The following RERE variants were observed in gnomAD, a reference collection of about 807,000 sequenced individuals.
RERE encodes the protein arginine-glutamic acid dipeptide repeats, also known as arginine-glutamic acid dipeptide repeats protein.
A neutral mutation model predicts 146.1 loss-of-function variants in RERE; 40 were observed. The ratio of observed to expected loss-of-function variants is 0.27; its 90% CI spans 0.21 to 0.36. The LOEUF is 0.36. Among genes scored for constraint, RERE ranks in the 10% least tolerant of loss-of-function variants. RERE has a pLI of 1.00. For missense variants in RERE, 1,933 were observed against 2,138.7 expected (o/e 0.90, Z 1.90); for synonymous variants, 1,003 against 866.0 (o/e 1.16, Z -2.78).
At chr1:8,516,648 A>C (rs1645424067) in intron 7 of RERE, among the ~76,000 whole-genome samples, 1 of 152,152 alleles carries the variant, frequency 6.6e-6, no homozygotes, top group South Asian at 2.1e-4. Context: ...GCTGACTCCA[A>C]AGTCAGAGCT....
At chr1:8,796,921 A>C (rs1364559007) in intron 1 of RERE, among the ~76,000 whole-genome samples, 1 of 152,176 alleles carries the variant, frequency 6.6e-6, no homozygotes, top group African/African-American at 2.4e-5. Context: ...TCCGTTGACA[A>C]CTTCTCCCAA....
chr1:8,479,365 T>C (rs1231250086), intron 10 of RERE, among the ~76,000 whole-genome samples: 2 of 151,990 alleles, frequency 1.3e-5, no homozygotes, highest in Admixed American at 6.6e-5. Context: ...TATATAATAG[T>C]CATTTTAACT....
chr1:8,393,818 A>T (rs1202199454), intron 12 of RERE, among the ~76,000 whole-genome samples: 8 of 152,224 alleles, frequency 5.3e-5, no homozygotes, highest in African/African-American at 1.9e-4. Flanking sequence ...AGTAAAAACT[A>T]TATAGAGTTG....
intron 1 of RERE, among the ~76,000 whole-genome samples, chr1:8,758,411 A>T (rs1434741049): frequency 6.7e-6 from 1 of 149,526 alleles, no homozygotes; most frequent in Non-Finnish European, 1.5e-5. Context: ...TTTTTTAAAG[A>T]AACGGGGTTT....
At chr1:8,750,338 A>T (rs987724396) in intron 1 of RERE, 1 of 600,782 alleles carries the variant, frequency 1.7e-6, no homozygotes, top group East Asian at 2.8e-5. Context: ...AAAGTGCTAC[A>T]TGTAGAAACC....
intron 1 of RERE, among the ~76,000 whole-genome samples, chr1:8,797,102 G>C (rs1641490266): frequency 6.6e-6 from 1 of 152,096 alleles, no homozygotes; most frequent in Non-Finnish European, 1.5e-5. Flanking sequence ...GCCAGGAACG[G>C]TGTGGCTCAT....
intron 11 of RERE, among the ~76,000 whole-genome samples, chr1:8,443,518 T>C (rs1274142377): frequency 6.7e-6 from 1 of 149,364 alleles, no homozygotes; most frequent in African/African-American, 2.5e-5. Context: ...TCAGGCAGGC[T>C]GTAAAGCAAT....
At chr1:8,391,822 G>A (rs1642891627) in intron 12 of RERE, among the ~76,000 whole-genome samples, 1 of 152,086 alleles carries the variant, frequency 6.6e-6, no homozygotes, top group Admixed American at 6.5e-5. Context: ...GATCGCCTGA[G>A]GTCAGGAGTC....
At chr1:8,355,203 C>A (rs1570009531) in intron 22 of RERE, 83 bp from the exon 23 acceptor site, 2 of 1,447,392 alleles carry the variant, frequency 1.4e-6, no homozygotes, top group East Asian at 4.5e-5. Flanking sequence ...CCAAAGACAA[C>A]AGCCAGGCAA....
rs1557670080 is a variant in RERE at position 8,520,760 on chromosome 1, A to AAAAAAC, written c.831-12086_831-12085insGTTTTT. On this transcript the variant is annotated intron_variant, in intron 7 of 22. Transcript: ENST00000400908. ...ATTCAGCCAAAAAACTTTTTAAAAA[A>AAAAAAC]AAAAAAAAAAAAAAAACCACTATGA... Among the ~76,000 whole-genome samples, 343 of 149,406 alleles carry AAAAAAC rather than the reference A, an allele frequency of 2.3e-3. 1 individual carries two copies. Among genetic ancestry groups the AAAAAAC allele is most frequent in the Middle Eastern group, 6.8e-3 (2 of 292 alleles).
At chr1:8,532,825 C>T (rs1434204625) in intron 7 of RERE, among the ~76,000 whole-genome samples, 1 of 152,104 alleles carries the variant, frequency 6.6e-6, no homozygotes, top group African/African-American at 2.4e-5. Flanking sequence ...GAACTCCTGA[C>T]CTCGGGTGAT....
rs559577645 is a variant in RERE, at chr1:8,504,103, C to T, written c.879+4524G>A. 6.6e-5 allele frequency among the ~76,000 whole-genome samples: 10 copies of T among 152,282 alleles called. No individual in the cohort carries two copies. In the South Asian group the frequency reaches 1.0e-3, roughly 16 times the overall value. Reference sequence around the variant, plus strand: ...TTTAAGAAAGTAGGGAAATAAAACACCTATTTCCTATTCTGTCTACTGAAA... The same window carrying T: ...TTTAAGAAAGTAGGGAAATAAAACATCTATTTCCTATTCTGTCTACTGAAA... On this transcript the variant is annotated intron_variant, in intron 8 of 22. Transcript: ENST00000400908.
At chr1:8,728,892 C>T (rs1259894209) in intron 1 of RERE, among the ~76,000 whole-genome samples, 3 of 152,092 alleles carry the variant, frequency 2.0e-5, no homozygotes, top group African/African-American at 4.8e-5. Flanking sequence ...TATAGCCAGG[C>T]GCAGTGGCTC....
rs1236620635 is a variant in RERE at position 8,659,552 on chromosome 1, G to A, written c.-144-3111C>T. Among the ~76,000 whole-genome samples, 5 of 152,298 alleles carry A rather than the reference G, an allele frequency of 3.3e-5. No homozygotes were observed. The East Asian group carries it at 5.8e-4, about 18-fold the overall frequency. On this transcript the variant is annotated intron_variant, in intron 1 of 22. Transcript: ENST00000400908. ...AGCCTGGGAGACAAAGCGAGACTCC[G>A]TCTCAAAATAAAAAACAAACAAAAA... is the stretch of plus-strand genomic sequence containing the variant.
intron 6 of RERE, among the ~76,000 whole-genome samples, chr1:8,556,154 C>T (rs932101841): frequency 4.6e-5 from 7 of 151,596 alleles, no homozygotes; most frequent in African/African-American, 1.2e-4. Context: ...CCTGGCCCAT[C>T]GGAACATTTC....
intron 1 of RERE, among the ~76,000 whole-genome samples, chr1:8,694,540 C>T (rs1185112215): frequency 6.6e-6 from 1 of 152,084 alleles, no homozygotes; most frequent in African/African-American, 2.4e-5. Context: ...GCGGGCAGAT[C>T]ACAAGGTCAG....
intron 3 of RERE, among the ~76,000 whole-genome samples, chr1:8,619,358 T>A (rs535927210): frequency 6.6e-6 from 1 of 152,322 alleles, no homozygotes; most frequent in Non-Finnish European, 1.5e-5. Flanking sequence ...TTTCCAAGTT[T>A]TAATAAAACA....
chr1:8,607,767 C>T (rs1343022587), intron 4 of RERE, among the ~76,000 whole-genome samples: 1 of 146,278 alleles, frequency 6.8e-6, no homozygotes, highest in African/African-American at 2.5e-5. Flanking sequence ...GCTCTGTTGC[C>T]CAGGCTTGAG....
chr1:8,621,149 A>G (rs1646911354), intron 3 of RERE, among the ~76,000 whole-genome samples: 1 of 152,106 alleles, frequency 6.6e-6, no homozygotes, highest in Non-Finnish European at 1.5e-5. Context: ...CACTCAAGAC[A>G]TTTTTGAGAG....
Sources: allele counts gnomAD v4.1 joint callset (sites outside exome capture counted in the v4.1 genomes callset), GRCh38; gene constraint gnomAD v4.1.1; transcripts MANE v1.5; gene names NCBI Gene and HGNC (gene_info 2026-07-23, HGNC 2026-07-21).